PARD6G: variants seen among roughly 807,000 people sequenced by gnomAD.
The protein encoded by PARD6G is partitioning defective 6 homolog gamma.
PARD6G carries 7 observed loss-of-function variants against 10.7 expected under a neutral mutation model. The observed-to-expected ratio is 0.66, with a 90% confidence interval of 0.37 to 1.23. PARD6G has a LOEUF of 1.23. Ranked by LOEUF, PARD6G falls within the 50% of genes most tolerant of loss-of-function variation. The pLI, the probability that PARD6G is intolerant of heterozygous loss-of-function variation, is 0.02. For synonymous variants in PARD6G, 287 were observed against 269.4 expected (o/e 1.07, Z -0.64); for missense variants, 548 against 571.8 (o/e 0.96, Z 0.42).
chr18:80,165,789 T>A (rs1370587149), intron 2 of PARD6G, among the ~76,000 whole-genome samples: 1 of 152,190 alleles, frequency 6.6e-6, no homozygotes, highest in East Asian at 1.9e-4. Flanking sequence ...GAAAACATAA[T>A]TTATCATTTC....
At chr18:80,226,498 C>T (rs969965876) in intron 1 of PARD6G, among the ~76,000 whole-genome samples, 4 of 152,092 alleles carry the variant, frequency 2.6e-5, no homozygotes, top group East Asian at 1.9e-4. Context: ...CTTATGCATA[C>T]GAAAGCAAAC....
intron 2 of PARD6G, among the ~76,000 whole-genome samples, chr18:80,174,233 G>A (rs1332849668): frequency 2.0e-5 from 3 of 152,126 alleles, no homozygotes; most frequent in African/African-American, 7.2e-5. Flanking sequence ...CGTGGAGGCT[G>A]AACTCCCACC....
rs1966912353 is a variant in PARD6G, at chr18:80,192,956, G to C, written c.295+9754C>G. ...ATGTGTCCAAGTCCTCCTGGCCCCT[G>C]CTGCCAACATGTCAACACATCACAG... On this transcript the variant is annotated intron_variant, in intron 2 of 2. Transcript: ENST00000353265. This position sits in a 1 kb window ranked among gnomAD's most constrained non-coding sequence, Gnocchi z 4.9. 6.6e-6 allele frequency among the ~76,000 whole-genome samples: 1 copy of C among 152,068 alleles called. No homozygotes were observed.
At position 80,222,910 on chromosome 18, in the gene PARD6G, A is replaced by G. The variant is rs529063901; in HGVS notation, c.73-19978T>C. Among the ~76,000 whole-genome samples, 5 of 152,278 alleles carry G rather than the reference A, an allele frequency of 3.3e-5. No individual in the cohort carries two copies. In the South Asian group the frequency reaches 1.0e-3, roughly 32 times the overall value. On this transcript the variant is annotated intron_variant, in intron 1 of 2. Coordinates refer to ENST00000353265, the MANE Select transcript of PARD6G (RefSeq NM_032510.4). ...AGGCTGGTCTTGAGCTCCTGGACTC[A>G]AGCAATCCACCTGCCTCAGCCTCCC...
chr18:80,226,909 T>G (rs553827379), intron 1 of PARD6G, among the ~76,000 whole-genome samples: 52 of 152,332 alleles, frequency 3.4e-4, no homozygotes, highest in African/African-American at 1.2e-3. Context: ...TACAATCACA[T>G]AGCAGGCACT....
At chr18:80,202,553 T>C in intron 2 of PARD6G, 157 bp downstream of exon 2, 1 of 602,298 alleles carries the variant, frequency 1.7e-6, no homozygotes, top group Non-Finnish European at 2.9e-6. Flanking sequence ...TAGTATTTTG[T>C]CTATTAATGC....
chr18:80,160,351 G>A lies in PARD6G; in HGVS notation c.551C>T (p.Pro184Leu). 6.2e-7 allele frequency: 1 copy of A among 1,611,428 alleles called. No homozygotes were observed. Among genetic ancestry groups the A allele is most frequent in the Non-Finnish European group, 8.5e-7 (1 of 1,179,698 alleles). The change falls in exon 3 of 3, where the codon CCG becomes CTG. Residue 184 changes from proline to leucine, a missense_variant. By Grantham distance (98) the Pro-to-Leu change is moderately conservative. Transcript: ENST00000353265. The part of the protein sequence containing the change: ...IRDGASVRVT[P>L]HGLEKVPGIF... ...GCCGGGCACCTTCTCCAGCCCGTGC[G>A]GGGTCACGCGCACGCTGGCGCCATC...
At chr18:80,245,531 G>A (rs770985938) in intron 1 of PARD6G, among the ~76,000 whole-genome samples, 1 of 152,110 alleles carries the variant, frequency 6.6e-6, no homozygotes, top group African/African-American at 2.4e-5. Context: ...TCCAGGATAC[G>A]ACAGTGTGCT....
intron 1 of PARD6G, among the ~76,000 whole-genome samples, chr18:80,207,944 G>C (rs1372864877): frequency 6.6e-6 from 1 of 152,180 alleles, no homozygotes; most frequent in East Asian, 1.9e-4. Flanking sequence ...TATAATTTCT[G>C]ATTAGAAAAG....
rs986068559 is a variant in PARD6G at position 80,200,767 on chromosome 18, G to A, written c.295+1943C>T. ...CAAGCTGGAAAGAGGCAGAGTGTCC[G>A]AGCTGCTGCTGGAGGTTAGCACGTT... On this transcript the variant is annotated intron_variant, in intron 2 of 2. Transcript: ENST00000353265. The surrounding 1 kb of genome is among the most constrained non-coding windows in gnomAD (Gnocchi z 4.4). Among the ~76,000 whole-genome samples, 4 of 152,190 alleles carry A rather than the reference G, an allele frequency of 2.6e-5. No homozygotes were observed. Among genetic ancestry groups the A allele is most frequent in the Non-Finnish European group, 5.9e-5 (4 of 68,034 alleles).
chr18:80,210,893 C>T (rs1967101017), intron 1 of PARD6G, among the ~76,000 whole-genome samples: 1 of 149,812 alleles, frequency 6.7e-6, no homozygotes, highest in African/African-American at 2.5e-5. Flanking sequence ...AACCTCCCCA[C>T]CCCCCATCCC....
intron 2 of PARD6G, among the ~76,000 whole-genome samples, chr18:80,193,491 CA>C (rs1315111551): frequency 6.6e-6 from 1 of 152,078 alleles, no homozygotes; most frequent in African/African-American, 2.4e-5. Flanking sequence ...TTCAATGCAA[CA>C]AAAATACAAA....
At chr18:80,205,060 C>T (rs1010084009) in intron 1 of PARD6G, among the ~76,000 whole-genome samples, 1 of 152,108 alleles carries the variant, frequency 6.6e-6, no homozygotes. Flanking sequence ...AAGTGGGACC[C>T]CAGAACTTGG....
At chr18:80,220,281 C>T (rs1967215297) in intron 1 of PARD6G, among the ~76,000 whole-genome samples, 1 of 152,148 alleles carries the variant, frequency 6.6e-6, no homozygotes, top group Admixed American at 6.5e-5. Context: ...CCCCATGATT[C>T]AATTACCTCC....
At chr18:80,196,005 A>C (rs1966953336) in intron 2 of PARD6G, among the ~76,000 whole-genome samples, 1 of 152,060 alleles carries the variant, frequency 6.6e-6, no homozygotes, top group South Asian at 2.1e-4. Flanking sequence ...ATACCTTTTA[A>C]CCCAGCAAGA....
At chr18:80,217,473 C>T (rs1967181566) in intron 1 of PARD6G, among the ~76,000 whole-genome samples, 1 of 152,148 alleles carries the variant, frequency 6.6e-6, no homozygotes, top group Non-Finnish European at 1.5e-5. Context: ...GGCAAACACT[C>T]TCAGCCAGGT....
At chr18:80,173,745 A>C (rs1213289123) in intron 2 of PARD6G, among the ~76,000 whole-genome samples, 3 of 152,206 alleles carry the variant, frequency 2.0e-5, no homozygotes, top group Admixed American at 2.0e-4. Flanking sequence ...AAAACCCCTC[A>C]AAGTAAAAAT....
chr18:80,232,096 A>G (rs759636793), intron 1 of PARD6G, among the ~76,000 whole-genome samples: 1 of 152,226 alleles, frequency 6.6e-6, no homozygotes, highest in African/African-American at 2.4e-5. Context: ...TAGTAATTCC[A>G]TGAGTGAAAA....
chr18:80,201,253 G>T lies in PARD6G; in HGVS notation c.295+1457C>A, dbSNP rs894526518. On this transcript the variant is annotated intron_variant, in intron 2 of 2. Transcript: ENST00000353265. This position sits in a 1 kb window ranked among gnomAD's most constrained non-coding sequence, Gnocchi z 5.9. Reference sequence around the variant, plus strand: ...AGGCCTTCCTGAGAAGGCAGCCTGTGAACAGATACAGACACCCAGGCAATG... The same window carrying T: ...AGGCCTTCCTGAGAAGGCAGCCTGTTAACAGATACAGACACCCAGGCAATG... Among the ~76,000 whole-genome samples, 8 of 152,106 alleles carry T rather than the reference G, an allele frequency of 5.3e-5. No homozygotes were observed. The highest frequency in any genetic ancestry group is 1.9e-4 in the African/African-American group (8 of 41,414).
Sources: allele counts gnomAD v4.1 joint callset (sites outside exome capture counted in the v4.1 genomes callset), GRCh38; gene constraint gnomAD v4.1.1; non-coding constraint Gnocchi (gnomAD v3.1); transcripts MANE v1.5; gene names NCBI Gene and HGNC (gene_info 2026-07-23, HGNC 2026-07-21).